Variants in MLLT1 observed in about 807,000 individuals in gnomAD.
MLLT1 encodes MLLT1 super elongation complex subunit, also known as protein ENL.
MLLT1 carries 11 observed loss-of-function variants against 55.1 expected under a neutral mutation model. The observed-to-expected ratio is 0.20, with a 90% confidence interval of 0.13 to 0.33. The LOEUF is 0.33. Among genes scored for constraint, MLLT1 ranks in the 10% least tolerant of loss-of-function variants. MLLT1 has a pLI of 1.00. For missense variants in MLLT1, 536 were observed against 760.6 expected, an observed-to-expected ratio of 0.70 and a Z score of 3.47; for synonymous variants, 323 against 320.1, an observed-to-expected ratio of 1.01 and a Z score of -0.10.
chr19:6,275,881 A>G (rs1230587291), intron 1 of MLLT1, among the ~76,000 whole-genome samples: 3 of 152,238 alleles, frequency 2.0e-5, no homozygotes, highest in Non-Finnish European at 4.4e-5. Context: ...CCTGGGACAG[A>G]GTATTTACGA....
chr19:6,235,222 G>A lies in MLLT1; in HGVS notation c.277-4509C>T, dbSNP rs2144886624. Among the ~76,000 whole-genome samples the A allele has an allele frequency of 6.6e-6, 1 of 152,328 alleles. No individual in the cohort carries two copies. The highest frequency in any genetic ancestry group is 6.5e-5 in the Admixed American group (1 of 15,306). ...CTGTAAATGCTTCCAACTTTCCCTG[G>A]TAACTTCTGAGTGGACGCTGGCAGC... is the stretch of plus-strand genomic sequence containing the variant. On this transcript the variant is annotated intron_variant, in intron 3 of 11. Transcript: ENST00000252674. This position sits in a 1 kb window ranked among gnomAD's most constrained non-coding sequence, Gnocchi z 5.5.
Position 6,222,443 on chromosome 19 carries a change from A to C in MLLT1, c.788T>G (p.Leu263Arg). The stretch of plus-strand genomic sequence containing the variant: ...CCCACCCTTGGGGGACGTGCTTTCC[A>C]GCTTGGTCTCTTTCAGGGCCATCTT... ...EPKMALKETK[L>R]ESTSPKGGPP... Residue 263 changes from leucine to arginine, a missense_variant, in exon 6 of 12, where the codon CTG becomes CGG. Physicochemically the swap from Leu to Arg is moderately radical, Grantham distance 102. Transcript: ENST00000252674. The surrounding 1 kb of genome is among the most constrained non-coding windows in gnomAD (Gnocchi z 4.1). 1 of 1,561,684 alleles carries C rather than the reference A, an allele frequency of 6.4e-7. No homozygotes were observed. Among genetic ancestry groups the C allele is most frequent in the South Asian group, 1.1e-5 (1 of 87,036 alleles).
chr19:6,279,869 C>T lies in MLLT1; in HGVS notation c.-85G>A, dbSNP rs2091449798. 1 of 163,868 alleles carries T rather than the reference C, an allele frequency of 6.1e-6. No individual in the cohort carries two copies. The highest frequency in any genetic ancestry group is 2.9e-3 in the Middle Eastern group (1 of 342). The allele number at this position is 163,868 out of a possible 1,614,324, so 10.2% of individuals were successfully genotyped here. ...CGCCGCTCAACGCCGCCCCGCCGCC[C>T]TCATTGTCTGTCAAGCGCCGCCGCC... On this transcript the variant is annotated 5_prime_UTR_variant, in exon 1 of 12. Coordinates refer to ENST00000252674, the MANE Select transcript of MLLT1 (RefSeq NM_005934.4).
intron 1 of MLLT1, among the ~76,000 whole-genome samples, chr19:6,278,633 A>G (rs145980705): frequency 1.3e-5 from 2 of 152,272 alleles, no homozygotes; most frequent in South Asian, 2.1e-4. Context: ...GACGTGACCA[A>G]CCAGCCTGGG....
In MLLT1 at chr19:6,229,467, A is replaced by G. The variant is rs989233431; in HGVS notation, c.420+1103T>C. ...CTGACACCCACAGCCACGGTGCCCC[A>G]AATCCACTCAGGAGGCGACCCACCC... is the stretch of plus-strand genomic sequence containing the variant. On this transcript the variant is annotated intron_variant, in intron 4 of 11. Transcript: ENST00000252674. This position sits in a 1 kb window ranked among gnomAD's most constrained non-coding sequence, Gnocchi z 5.2. Among the ~76,000 whole-genome samples, 4 of 151,920 alleles carry G rather than the reference A, an allele frequency of 2.6e-5. No individual in the cohort carries two copies. Among genetic ancestry groups the G allele is most frequent in the Non-Finnish European group, 4.4e-5 (3 of 67,958 alleles).
intron 3 of MLLT1, among the ~76,000 whole-genome samples, chr19:6,253,505 A>G (rs1397607667): frequency 6.6e-6 from 1 of 152,104 alleles, no homozygotes; most frequent in Non-Finnish European, 1.5e-5. Context: ...CTGATACTAA[A>G]GCCAGACAAA....
At chr19:6,258,941 C>T (rs968658812) in intron 3 of MLLT1, among the ~76,000 whole-genome samples, 7 of 152,210 alleles carry the variant, frequency 4.6e-5, no homozygotes, top group South Asian at 2.1e-4. Flanking sequence ...CTATGTGCCA[C>T]GCGCCGGGCC....
intron 3 of MLLT1, among the ~76,000 whole-genome samples, chr19:6,258,133 G>C (rs74710998): frequency 0.018 from 2,690 of 152,170 alleles, 37 homozygotes; most frequent in Middle Eastern, 0.051. Flanking sequence ...TCCATTCCTA[G>C]GTGTATACAC....
At position 6,230,422 on chromosome 19, in the gene MLLT1, T is replaced by A. The variant is rs2090998366; in HGVS notation, c.420+148A>T. Reference sequence around the variant, plus strand: ...CGGCACAGGTTGTGGAGCTCCCAGGTCCCCTCCAGCTCTGCTGGGTGCTGC... The same window carrying A: ...CGGCACAGGTTGTGGAGCTCCCAGGACCCCTCCAGCTCTGCTGGGTGCTGC... On this transcript the variant is annotated intron_variant, in intron 4 of 11. Coordinates refer to ENST00000252674, the MANE Select transcript of MLLT1 (RefSeq NM_005934.4). The surrounding 1 kb of genome is among the most constrained non-coding windows in gnomAD (Gnocchi z 9.0). 1.1e-6 allele frequency: 1 copy of A among 928,760 alleles called. No homozygotes were observed. The highest frequency in any genetic ancestry group is 2.9e-5 in the Admixed American group (1 of 34,782). 57.5% of individuals were successfully genotyped at this position (928,760 alleles called of 1,614,324 possible).
At chr19:6,228,975 C>T (rs866190298) in intron 4 of MLLT1, among the ~76,000 whole-genome samples, 2 of 152,196 alleles carry the variant, frequency 1.3e-5, no homozygotes, top group Non-Finnish European at 2.9e-5. Context: ...GCCTCCTCCC[C>T]GCCCCTGGCT....
intron 3 of MLLT1, among the ~76,000 whole-genome samples, chr19:6,261,854 T>C (rs2091308743): frequency 6.6e-6 from 1 of 152,146 alleles, no homozygotes; most frequent in African/African-American, 2.4e-5. Context: ...TAATCAGATA[T>C]TTATGCTATT....
intron 2 of MLLT1, among the ~76,000 whole-genome samples, chr19:6,265,301 C>G (rs184528856): frequency 6.6e-6 from 1 of 152,264 alleles, no homozygotes; most frequent in Non-Finnish European, 1.5e-5. Flanking sequence ...TCGCATTCCT[C>G]TGGTTCAGCA....
chr19:6,255,645 T>C (rs2091251364), intron 3 of MLLT1, among the ~76,000 whole-genome samples: 1 of 152,224 alleles, frequency 6.6e-6, no homozygotes, highest in African/African-American at 2.4e-5. Context: ...CTTAATATTG[T>C]TAAGATGTTT....
rs1043675184 is a variant in MLLT1, at chr19:6,230,126, C to G, written c.420+444G>C. Among the ~76,000 whole-genome samples, 2 of 152,176 alleles carry G rather than the reference C, an allele frequency of 1.3e-5. No individual in the cohort carries two copies. The highest frequency in any genetic ancestry group is 4.8e-5 in the African/African-American group (2 of 41,430). ...TCGACTCCAGCCACCGCATGGGGGT[C>G]CCGGCCACACGACTCCTGGAGAGCC... On this transcript the variant is annotated intron_variant, in intron 4 of 11. Transcript: ENST00000252674. This position sits in a 1 kb window ranked among gnomAD's most constrained non-coding sequence, Gnocchi z 9.0.
In MLLT1 at chr19:6,255,308, C is replaced by T. The variant is rs571812405; in HGVS notation, c.276+6920G>A. On this transcript the variant is annotated intron_variant, in intron 3 of 11. Coordinates refer to ENST00000252674, the MANE Select transcript of MLLT1 (RefSeq NM_005934.4). The stretch of plus-strand genomic sequence containing the variant: ...AGGAGTTTGAGACCAGCCTGGCCAA[C>T]ATGGCAAAACCTCATCTCTACTAAA... Among the ~76,000 whole-genome samples the T allele has an allele frequency of 5.9e-5, 9 of 152,270 alleles. No individual in the cohort carries two copies. In the South Asian group the frequency reaches 1.2e-3, roughly 21 times the overall value.
intron 1 of MLLT1, among the ~76,000 whole-genome samples, chr19:6,277,682 A>G (rs951725270): frequency 2.6e-5 from 4 of 152,104 alleles, no homozygotes; most frequent in Non-Finnish European, 5.9e-5. Context: ...GGTTCCACAC[A>G]TCACAAGGGG....
chr19:6,265,049 C>CAAAAAAAAAAAAA (rs2091336941), intron 2 of MLLT1, among the ~76,000 whole-genome samples: 2 of 23,296 alleles, frequency 8.6e-5, no homozygotes, highest in Non-Finnish European at 1.2e-4. Context: ...AAAAAAAAAA[C>CAAAAAAAAAAAAA]AAAAAAACAA....
Position 6,220,588 on chromosome 19 carries a change from G to A in MLLT1, c.1110+1533C>T, listed in dbSNP as rs1198754667. Among the ~76,000 whole-genome samples the A allele has an allele frequency of 2.6e-5, 4 of 152,262 alleles. No homozygotes were observed. In the East Asian group the frequency reaches 5.8e-4, roughly 22 times the overall value. On this transcript the variant is annotated intron_variant, in intron 6 of 11. Transcript: ENST00000252674. ...CAGGAGCCAACTCACTCACTGCCGG[G>A]GGCCAGGCCGGGTGAGCAGAGCGGA...
rs377077628 is a variant in MLLT1, at chr19:6,219,586, T to C, written c.1111-1545A>G. Among the ~76,000 whole-genome samples, 2 of 152,206 alleles carry C rather than the reference T, an allele frequency of 1.3e-5. No individual in the cohort carries two copies. The highest frequency in any genetic ancestry group is 4.8e-5 in the African/African-American group (2 of 41,442). ...CCTCAGTTTTCCCAGCACCGCCAGC[T>C]GCCTGCACACCGAGGCCAAGGCTAG... On this transcript the variant is annotated intron_variant, in intron 6 of 11. Transcript: ENST00000252674. The surrounding 1 kb of genome is among the most constrained non-coding windows in gnomAD (Gnocchi z 4.5).
Sources: gnomAD v4.1 joint callset for allele counts (sites outside exome capture counted in the v4.1 genomes callset) on GRCh38, gnomAD v4.1.1 for gene constraint, Gnocchi (gnomAD v3.1) non-coding constraint, MANE v1.5 for transcripts, NCBI Gene and HGNC (gene_info 2026-07-23, HGNC 2026-07-21) for gene names.